CTDSPL2: variants seen among roughly 807,000 people sequenced by gnomAD.
CTDSPL2 encodes the protein CTD small phosphatase-like protein 2.
In CTDSPL2, 5 loss-of-function variants were observed where a neutral mutation model predicts 60.0. The observed-to-expected ratio is 0.08, with a 90% CI of 0.04 to 0.18. The LOEUF is 0.18. CTDSPL2 is among the 10% of genes least tolerant of loss of function. The pLI, the probability that CTDSPL2 is intolerant of heterozygous loss-of-function variation, is 1.00. For synonymous variants in CTDSPL2, 186 were observed against 189.3 expected (o/e 0.98, Z 0.14); for missense variants, 370 against 548.8 (o/e 0.67, Z 3.26).
At chr15:44,452,851 A>G (rs896283769) in intron 1 of CTDSPL2, among the ~76,000 whole-genome samples, 2 of 151,870 alleles carry the variant, frequency 1.3e-5, no homozygotes, top group African/African-American at 4.8e-5. Context: ...ATATTTTCTC[A>G]TATTTTTGCC....
chr15:44,507,905 A>G (rs1281125551), intron 8 of CTDSPL2, among the ~76,000 whole-genome samples: 1 of 152,210 alleles, frequency 6.6e-6, no homozygotes, highest in Non-Finnish European at 1.5e-5. Context: ...GTATTAACTT[A>G]TTTAATCTTC....
At chr15:44,439,449 G>A (rs1191199133) in intron 1 of CTDSPL2, among the ~76,000 whole-genome samples, 3 of 151,844 alleles carry the variant, frequency 2.0e-5, no homozygotes, top group South Asian at 2.1e-4. Context: ...TTGAGCCACC[G>A]CGCCTTATTT....
chr15:44,434,696 G>C lies in CTDSPL2; in HGVS notation c.-25+6924G>C, dbSNP rs539010036. On this transcript the variant is annotated intron_variant, in intron 1 of 12. Coordinates refer to ENST00000260327, the MANE Select transcript of CTDSPL2 (RefSeq NM_016396.3). ...CAGGTGTGAGTGAGTCACTGTGCCC[G>C]GCCAAAAACACATTCTTTTCTTTCT... Among the ~76,000 whole-genome samples the C allele has an allele frequency of 2.6e-4, 40 of 151,762 alleles. No individual in the cohort carries two copies. The South Asian group carries it at 8.3e-3, about 31-fold the overall frequency.
intron 8 of CTDSPL2, among the ~76,000 whole-genome samples, chr15:44,502,264 T>C (rs1297369692): frequency 6.6e-6 from 1 of 151,998 alleles, no homozygotes; most frequent in Non-Finnish European, 1.5e-5. Context: ...TATATGTATA[T>C]ATATTTTATA....
intron 11 of CTDSPL2, chr15:44,520,563 AT>A (rs1312826140): frequency 6.6e-6 from 1 of 152,220 alleles, no homozygotes; most frequent in East Asian, 1.9e-4. Flanking sequence ...AATGTCTATA[AT>A]AAAAAGAAAA....
At chr15:44,500,451 T>C (rs1056262319) in intron 8 of CTDSPL2, among the ~76,000 whole-genome samples, 1 of 152,220 alleles carries the variant, frequency 6.6e-6, no homozygotes, top group African/African-American at 2.4e-5. Context: ...ATTATAAGAT[T>C]GAGTTAATAA....
chr15:44,468,644 G>A (rs1380978958), intron 2 of CTDSPL2, among the ~76,000 whole-genome samples: 2 of 152,098 alleles, frequency 1.3e-5, no homozygotes, highest in African/African-American at 4.8e-5. Flanking sequence ...GGACAATATT[G>A]TCTCTGTTGC....
intron 10 of CTDSPL2, among the ~76,000 whole-genome samples, chr15:44,516,191 C>G (rs2081651979): frequency 6.6e-6 from 1 of 152,012 alleles, no homozygotes; most frequent in Non-Finnish European, 1.5e-5. Flanking sequence ...TGGTCTTGAA[C>G]TCCTGACCTC....
chr15:44,505,046 A>G (rs992069508), intron 8 of CTDSPL2, among the ~76,000 whole-genome samples: 2 of 152,208 alleles, frequency 1.3e-5, no homozygotes, highest in Admixed American at 1.3e-4. Context: ...AATGAAACCA[A>G]TAGTTCTCTA....
chr15:44,519,312 TAAAC>T lies in CTDSPL2; in HGVS notation c.1239+22_1239+25del, dbSNP rs1273637004. The T allele has an allele frequency of 1.4e-5, 22 of 1,541,792 alleles. No homozygotes were observed. The highest frequency in any genetic ancestry group is 2.4e-5 in the Admixed American group (1 of 42,254). ...GCATATCAGGTAGGAAGAAAGTTGA[TAAAC>T]AAACTCAGATTGGAAAAAATACAAT... On this transcript the variant is annotated intron_variant, in intron 11 of 12. Coordinates refer to ENST00000260327, the MANE Select transcript of CTDSPL2 (RefSeq NM_016396.3).
chr15:44,495,031 A>T (rs943356050), intron 5 of CTDSPL2, among the ~76,000 whole-genome samples: 7 of 152,120 alleles, frequency 4.6e-5, no homozygotes, highest in African/African-American at 1.7e-4. Flanking sequence ...GAGTGCAATG[A>T]CACAATCTCG....
At chr15:44,436,573 A>G (rs572062427) in intron 1 of CTDSPL2, among the ~76,000 whole-genome samples, 1 of 152,332 alleles carries the variant, frequency 6.6e-6, no homozygotes, top group South Asian at 2.1e-4. Context: ...GCATGACTTA[A>G]GCAGTGTCTC....
At chr15:44,464,177 G>C (rs1213057863) in intron 2 of CTDSPL2, among the ~76,000 whole-genome samples, 2 of 152,080 alleles carry the variant, frequency 1.3e-5, no homozygotes, top group Non-Finnish European at 2.9e-5. Flanking sequence ...GCCCGCAACA[G>C]CTCTTACTTA....
intron 1 of CTDSPL2, among the ~76,000 whole-genome samples, chr15:44,443,557 G>A (rs1384658325): frequency 6.6e-6 from 1 of 152,004 alleles, no homozygotes; most frequent in Non-Finnish European, 1.5e-5. Context: ...CATTCTTGCC[G>A]GCAATTTTTA....
chr15:44,433,195 G>T lies in CTDSPL2; in HGVS notation c.-25+5423G>T, dbSNP rs377703659. 8.6e-5 allele frequency among the ~76,000 whole-genome samples: 13 copies of T among 151,498 alleles called. No homozygotes were observed. In the East Asian group the frequency reaches 1.6e-3, roughly 18 times the overall value. On this transcript the variant is annotated intron_variant, in intron 1 of 12. Transcript: ENST00000260327. Reference sequence around the variant, plus strand: ...CTGGGCATGGTGACTCACATCTATAGTCCCAGCCACTAGCGGGGCTGAGTA... The same window carrying T: ...CTGGGCATGGTGACTCACATCTATATTCCCAGCCACTAGCGGGGCTGAGTA...
At chr15:44,473,171 C>G (rs978973688) in intron 2 of CTDSPL2, among the ~76,000 whole-genome samples, 3 of 152,182 alleles carry the variant, frequency 2.0e-5, no homozygotes, top group African/African-American at 7.2e-5. Flanking sequence ...GCTGTGGACC[C>G]TTTCTGAAAC....
intron 2 of CTDSPL2, among the ~76,000 whole-genome samples, chr15:44,468,106 G>T (rs1316703926): frequency 6.6e-6 from 1 of 152,102 alleles, no homozygotes; most frequent in African/African-American, 2.4e-5. Context: ...AAGAGCTTGT[G>T]TTCGATTGGT....
chr15:44,459,343 C>T (rs1216525987), intron 2 of CTDSPL2, 143 bp downstream of exon 2: 13 of 477,584 alleles, frequency 2.7e-5, no homozygotes, highest in Non-Finnish European at 4.3e-5. Context: ...CTGGCTAACA[C>T]GGTGAAACCC....
intron 8 of CTDSPL2, among the ~76,000 whole-genome samples, chr15:44,505,915 A>G (rs1029401860): frequency 2.6e-5 from 4 of 152,010 alleles, no homozygotes; most frequent in African/African-American, 9.7e-5. Context: ...CATTGTTTTG[A>G]CTAAACTTTT....
Sources: allele counts gnomAD v4.1 joint callset (sites outside exome capture counted in the v4.1 genomes callset), GRCh38; gene constraint gnomAD v4.1.1; transcripts MANE v1.5; gene names NCBI Gene and HGNC (gene_info 2026-07-23, HGNC 2026-07-21).